Variants in ANO9 observed in about 807,000 individuals in gnomAD.
The protein encoded by ANO9 is anoctamin 9.
In ANO9, 80 loss-of-function variants were observed where a neutral mutation model predicts 100.5. That is an observed-to-expected ratio of 0.80 (90% CI 0.66 to 0.96). The LOEUF (loss-of-function observed/expected upper bound fraction) is 0.96. ANO9 is among the 40% of genes least tolerant of loss of function. The pLI is 0.00. For missense variants in ANO9, 1,064 were observed against 1,072.7 expected (o/e 0.99, Z 0.11); for synonymous variants, 473 against 435.6 (o/e 1.09, Z -1.07).
chr11:420,469 C>G lies in ANO9; in HGVS notation c.1780G>C (p.Asp594His). 1 of 1,602,470 alleles carries G rather than the reference C, an allele frequency of 6.2e-7. No homozygotes were observed. Among genetic ancestry groups the G allele is most frequent in the Non-Finnish European group, 8.5e-7 (1 of 1,179,408 alleles). ...QRRLVPRKAK[D>H]IGTWLQVLET... ...TGCGCCCGCCCGGTCTGACCGATGT[C>G]CTTGGCCTTGCGCGGCACCAGGCGC... The change falls in exon 19 of 23, where the codon GAC becomes CAC. Residue 594 changes from aspartate to histidine, a missense_variant. Physicochemically the swap from Asp to His is moderately conservative, Grantham distance 81. Transcript: ENST00000332826.
At chr11:426,348 G>A (rs1428431015) in intron 15 of ANO9, among the ~76,000 whole-genome samples, 1 of 152,126 alleles carries the variant, frequency 6.6e-6, no homozygotes, top group Non-Finnish European at 1.5e-5. Context: ...GAGGCAGGAG[G>A]ATTGCTTGAG....
intron 1 of ANO9, among the ~76,000 whole-genome samples, chr11:436,721 G>GAGTGAGCAGGA (rs1214120881): frequency 0.11 from 4,633 of 43,600 alleles, 2,250 homozygotes; most frequent in East Asian, 0.28. Context: ...GGTGAGCAGG[G>GAGTGAGCAGGA]GGTGAGCTGG....
intron 11 of ANO9, 32 bp from the exon 12 acceptor site, chr11:428,858 G>C: frequency 6.2e-7 from 1 of 1,600,178 alleles, no homozygotes; most frequent in Non-Finnish European, 8.6e-7. Flanking sequence ...CCTCAGACAA[G>C]GGACACTCAC....
chr11:429,066 C>T (rs111330426), intron 11 of ANO9, among the ~76,000 whole-genome samples: 161 of 124,048 alleles, frequency 1.3e-3, no homozygotes, highest in Admixed American at 1.8e-3. Context: ...ACACGCCTCA[C>T]GGGTGGACAG....
At position 420,471 on chromosome 11, in the gene ANO9, T is replaced by C. The variant is rs1259001523; in HGVS notation, c.1778A>G (p.Lys593Arg). 1.3e-5 allele frequency: 21 copies of C among 1,602,464 alleles called. No homozygotes were observed. The highest frequency in any genetic ancestry group is 1.5e-5 in the Non-Finnish European group (18 of 1,179,410). Residue 593 changes from lysine (K) to arginine (R), a missense_variant, in exon 19 of 23, where the codon AAG becomes AGG. Transcript: ENST00000332826. ...CGCCCGCCCGGTCTGACCGATGTCC[T>C]TGGCCTTGCGCGGCACCAGGCGCCG... The part of the protein sequence containing the change: ...LQRRLVPRKA[K>R]DIGTWLQVLE...
intron 11 of ANO9, 32 bp downstream of exon 11, chr11:429,538 C>G: frequency 6.2e-7 from 1 of 1,610,412 alleles, no homozygotes; most frequent in Non-Finnish European, 8.5e-7. Flanking sequence ...CTGCTCGGGT[C>G]GGCCTCAGCT....
At chr11:435,523 GGTCTA>G (rs138441199) in intron 1 of ANO9, among the ~76,000 whole-genome samples, 1 of 100,458 alleles carries the variant, frequency 1.0e-5, no homozygotes, top group African/African-American at 4.0e-5. Context: ...AGTCTAGTAT[GGTCTA>G]GTCTAGTCTA....
At position 433,391 on chromosome 11, in the gene ANO9, G is replaced by T. The variant is rs1849179711; in HGVS notation, c.273C>A (p.Arg91=). Residue 91 remains arginine (R), a synonymous_variant, in exon 4 of 23, where the codon CGC becomes CGA. Coordinates refer to ENST00000332826, the MANE Select transcript of ANO9 (RefSeq NM_001012302.3). ...RADNSVFGLY[R]TLLLEPEGPA... Reference sequence around the variant, plus strand: ...GCCCCTCAGGCTCCAGGAGGAGAGTGCGGTACAGGCCAAAGACACTGTTGT... The same window carrying T: ...GCCCCTCAGGCTCCAGGAGGAGAGTTCGGTACAGGCCAAAGACACTGTTGT... 6.2e-7 allele frequency: 1 copy of T among 1,613,138 alleles called. No homozygotes were observed. The highest frequency in any genetic ancestry group is 1.3e-5 in the African/African-American group (1 of 74,914).
rs746653401 is a variant in ANO9 at position 429,809 on chromosome 11, G to C, written c.781C>G (p.Leu261Val). 1.2e-6 allele frequency: 2 copies of C among 1,605,432 alleles called. No individual in the cohort carries two copies. Among genetic ancestry groups the C allele is most frequent in the South Asian group, 2.2e-5 (2 of 90,560 alleles). ...ACCACCGTGCCATCATTGTCAAAGAGGTGGGTGAGCTGGGGGGGTGATAGG... is the reference window on the plus strand; with the variant it reads ...ACCACCGTGCCATCATTGTCAAAGACGTGGGTGAGCTGGGGGGGTGATAGG... ...ETCTFAKLTHLFDNDGTVVFA... is the reference protein window; with the variant it reads ...ETCTFAKLTHVFDNDGTVVFA... Residue 261 changes from leucine to valine, a missense_variant, in exon 10 of 23, where the codon CTC (leucine) becomes GTC (valine). Coordinates refer to ENST00000332826, the MANE Select transcript of ANO9 (RefSeq NM_001012302.3).
chr11:419,001 G>A lies in ANO9; in HGVS notation c.1935-12C>T. The A allele has an allele frequency of 6.2e-7, 1 of 1,612,996 alleles. No homozygotes were observed. Among genetic ancestry groups the A allele is most frequent in the Non-Finnish European group, 8.5e-7 (1 of 1,179,916 alleles). On this transcript the variant is annotated splice_polypyrimidine_tract_variant and intron_variant, in intron 20 of 22. Coordinates refer to ENST00000332826, the MANE Select transcript of ANO9 (RefSeq NM_001012302.3). Reference sequence around the variant, plus strand: ...AGCCCTTGAGGCAGCTGGGGAGAGGGGAGAGGAGTGTGGGGTGGGGTGGGC... The same window carrying A: ...AGCCCTTGAGGCAGCTGGGGAGAGGAGAGAGGAGTGTGGGGTGGGGTGGGC...
chr11:420,343 G>C, intron 19 of ANO9, 120 bp downstream of exon 19: 1 of 1,492,082 alleles, frequency 6.7e-7, no homozygotes, highest in Non-Finnish European at 8.9e-7. Flanking sequence ...AGGGCTGGGG[G>C]CTGTCTGCGG....
At chr11:439,983 G>A (rs1845732860) in intron 1 of ANO9, among the ~76,000 whole-genome samples, 1 of 152,372 alleles carries the variant, frequency 6.6e-6, no homozygotes, top group African/African-American at 2.4e-5. Flanking sequence ...CTTGGCAGGT[G>A]AGGAGGCATG....
chr11:430,756 C>CTCCCGTGG (rs1848883029), intron 7 of ANO9, among the ~76,000 whole-genome samples: 2 of 66,796 alleles, frequency 3.0e-5, no homozygotes, highest in Non-Finnish European at 5.9e-5. Context: ...TGTGTGGGGG[C>CTCCCGTGG]GTTTACAGGA....
rs138630099 is a variant in ANO9, at chr11:429,352, C to T, written c.915+218G>A. 7,723 of 1,108,686 alleles carry T rather than the reference C, an allele frequency of 7.0e-3. 35 individuals carry two copies. The highest frequency in any genetic ancestry group is 8.0e-3 in the Non-Finnish European group (6,469 of 812,752). 68.7% of individuals were successfully genotyped at this position (1,108,686 alleles called of 1,614,324 possible). On this transcript the variant is annotated intron_variant, in intron 11 of 22. Coordinates refer to ENST00000332826, the MANE Select transcript of ANO9 (RefSeq NM_001012302.3). The stretch of plus-strand genomic sequence containing the variant: ...GAGACAGACACAGCGACACGCCTCA[C>T]GGGTGGACAGACACGGGACACTCAC...
intron 15 of ANO9, among the ~76,000 whole-genome samples, chr11:425,718 T>G (rs556669033): frequency 3.4e-4 from 49 of 142,264 alleles, no homozygotes; most frequent in South Asian, 1.9e-3. Context: ...TTGTTTTTTG[T>G]TTTTTGTTTG....
At chr11:428,946 G>A (rs1657503769) in intron 11 of ANO9, 120 bp from the exon 12 acceptor site, 1 of 936,112 alleles carries the variant, frequency 1.1e-6, no homozygotes. Flanking sequence ...CACATGGGGA[G>A]ACAGACACGG....
chr11:424,137 G>A (rs1848358130), intron 15 of ANO9, among the ~76,000 whole-genome samples: 1 of 151,784 alleles, frequency 6.6e-6, no homozygotes, highest in Non-Finnish European at 1.5e-5. Context: ...CAGGTGATCT[G>A]CCTGCCTCAG....
intron 1 of ANO9, among the ~76,000 whole-genome samples, chr11:439,599 T>G (rs1845696987): frequency 1.1e-5 from 1 of 92,552 alleles, no homozygotes. Context: ...CATCTCCTCC[T>G]GAGGTCACGT....
At chr11:424,066 G>A (rs980439996) in intron 15 of ANO9, among the ~76,000 whole-genome samples, 7 of 151,910 alleles carry the variant, frequency 4.6e-5, no homozygotes, top group East Asian at 3.9e-4. Flanking sequence ...ACACCACCAC[G>A]CCTGGCTAGT....
Sources: allele counts gnomAD v4.1 joint callset (sites outside exome capture counted in the v4.1 genomes callset), GRCh38; gene constraint gnomAD v4.1.1; transcripts MANE v1.5; gene names NCBI Gene and HGNC (gene_info 2026-07-23, HGNC 2026-07-21).